The following ATP10A variants were observed in gnomAD, a reference collection of about 807,000 sequenced individuals.
The protein encoded by ATP10A is ATPase phospholipid transporting 10A (putative), also known as phospholipid-transporting ATPase VA.
Under a neutral mutation model 147.8 loss-of-function variants are expected in ATP10A, and 111 were observed. The ratio of observed to expected loss-of-function variants is 0.75; its 90% CI spans 0.64 to 0.88. The LOEUF is 0.88. Among genes scored for constraint, ATP10A ranks in the 40% least tolerant of loss-of-function variants. ATP10A has a pLI of 0.00. For missense variants in ATP10A, 1,927 were observed against 1,959.0 expected, an observed-to-expected ratio of 0.98 and a Z score of 0.31; for synonymous variants, 875 against 841.6, an observed-to-expected ratio of 1.04 and a Z score of -0.69.
chr15:25,714,839 A>G (rs1901684623), intron 9 of ATP10A, among the ~76,000 whole-genome samples: 1 of 152,196 alleles, frequency 6.6e-6, no homozygotes, highest in South Asian at 2.1e-4. Context: ...AATTTAATAT[A>G]CAAATCACAT....
In ATP10A at chr15:25,713,765, C is replaced by T; in HGVS notation, c.2253G>A (p.Val751=). 1 of 1,614,154 alleles carries T rather than the reference C, an allele frequency of 6.2e-7. No individual in the cohort carries two copies. Among genetic ancestry groups the T allele is most frequent in the Non-Finnish European group, 8.5e-7 (1 of 1,180,036 alleles). The change falls in exon 10 of 21, where the codon GTG becomes GTA. Residue 751 remains valine, a synonymous_variant. Coordinates refer to ENST00000555815, the MANE Select transcript of ATP10A (RefSeq NM_024490.4). ...GFDSVRKRMS[V]VIRHPLTDEI... ...CATCGGTAAGCGGGTGCCGGATCAC[C>T]ACTGACATCCTCTTGCGGACGGAAT...
chr15:25,773,265 C>T (rs1366634253), intron 2 of ATP10A, among the ~76,000 whole-genome samples: 1 of 152,148 alleles, frequency 6.6e-6, no homozygotes, highest in Non-Finnish European at 1.5e-5. Flanking sequence ...GGAGCACTCG[C>T]AAACCGAAAG....
Position 25,700,531 on chromosome 15 carries a change from A to T in ATP10A, c.2760+1385T>A, listed in dbSNP as rs551163770. On this transcript the variant is annotated intron_variant, in intron 13 of 20. Coordinates refer to ENST00000555815, the MANE Select transcript of ATP10A (RefSeq NM_024490.4). ...ATACTACTGGTTCATGCAACAGCTCAGGTGAATCTCAAAAGTGTTATGCTG... is the reference window on the plus strand; with the variant it reads ...ATACTACTGGTTCATGCAACAGCTCTGGTGAATCTCAAAAGTGTTATGCTG... Among the ~76,000 whole-genome samples, 13 of 152,356 alleles carry T rather than the reference A, an allele frequency of 8.5e-5. 2 individuals are homozygous for T. The South Asian group carries it at 2.7e-3, about 32-fold the overall frequency.
intron 2 of ATP10A, among the ~76,000 whole-genome samples, chr15:25,739,751 C>T (rs562056477): frequency 7.2e-5 from 11 of 152,346 alleles, no homozygotes; most frequent in African/African-American, 2.6e-4. Context: ...ATAAATATCT[C>T]ACCGGCAAGA....
chr15:25,810,422 T>C (rs11161227), intron 1 of ATP10A, among the ~76,000 whole-genome samples: 83,911 of 152,010 alleles, frequency 0.55, 24,323 homozygotes, highest in East Asian at 0.8. Context: ...GAGGTTCTTA[T>C]GGTTCCTTTA....
intron 2 of ATP10A, among the ~76,000 whole-genome samples, chr15:25,761,970 G>C (rs890843687): frequency 2.0e-5 from 3 of 152,164 alleles, no homozygotes; most frequent in Admixed American, 1.3e-4. Context: ...GTTTGGCTGT[G>C]TCTCTACCAA....
chr15:25,753,402 G>T (rs61998601), intron 2 of ATP10A, among the ~76,000 whole-genome samples: 17,176 of 152,070 alleles, frequency 0.11, 1,169 homozygotes, highest in East Asian at 0.25. Flanking sequence ...CATCCATGTT[G>T]TTGCAAATGA....
At chr15:25,821,010 T>G (rs1567409166) in intron 1 of ATP10A, among the ~76,000 whole-genome samples, 1 of 152,104 alleles carries the variant, frequency 6.6e-6, no homozygotes, top group East Asian at 1.9e-4. Context: ...CAGATAAAAA[T>G]AAACATACAT....
intron 10 of ATP10A, 151 bp from the exon 11 acceptor site, chr15:25,708,451 T>C (rs1901185567): frequency 1.6e-6 from 1 of 633,698 alleles, no homozygotes; most frequent in Admixed American, 3.3e-5. Flanking sequence ...AGCTGTTATG[T>C]TTTAAAAAAG....
At chr15:25,826,372 C>A (rs1382100097) in intron 1 of ATP10A, among the ~76,000 whole-genome samples, 1 of 152,168 alleles carries the variant, frequency 6.6e-6, no homozygotes. Flanking sequence ...CCAACCTGAG[C>A]AACATGGCAA....
intron 1 of ATP10A, among the ~76,000 whole-genome samples, chr15:25,829,744 C>G (rs1018812723): frequency 6.6e-6 from 1 of 152,198 alleles, no homozygotes; most frequent in Middle Eastern, 3.4e-3. Flanking sequence ...CTCTAAGGCA[C>G]GGCTCGCTCT....
At chr15:25,845,978 C>A (rs767656350) in intron 1 of ATP10A, among the ~76,000 whole-genome samples, 8 of 152,202 alleles carry the variant, frequency 5.3e-5, no homozygotes, top group Non-Finnish European at 1.0e-4. Context: ...GTGTCCGCCT[C>A]AGAAAGGAGG....
chr15:25,703,867 G>A (rs1278527261), intron 12 of ATP10A, among the ~76,000 whole-genome samples: 1 of 152,234 alleles, frequency 6.6e-6, no homozygotes, highest in African/African-American at 2.4e-5. Context: ...GGTGATGTGG[G>A]AACTTGGGGA....
intron 16 of ATP10A, among the ~76,000 whole-genome samples, chr15:25,685,662 C>T (rs1342826427): frequency 6.6e-6 from 1 of 152,022 alleles, no homozygotes; most frequent in African/African-American, 2.4e-5. Flanking sequence ...GACACCCTGT[C>T]TCTACAAAAT....
intron 2 of ATP10A, among the ~76,000 whole-genome samples, chr15:25,761,153 C>T (rs2140628326): frequency 6.6e-6 from 1 of 152,202 alleles, no homozygotes; most frequent in East Asian, 1.9e-4. Flanking sequence ...AATATTTATA[C>T]TGAGAGAAAA....
chr15:25,687,057 G>A lies in ATP10A; in HGVS notation c.3291+646C>T, dbSNP rs1899732721. On this transcript the variant is annotated intron_variant, in intron 16 of 20. Coordinates refer to ENST00000555815, the MANE Select transcript of ATP10A (RefSeq NM_024490.4). ...GGGAGAGGGTGGGAAGGCCCGAAGG[G>A]CACCCCCTTCCTGCTGGGTCTGAGC... Among the ~76,000 whole-genome samples, 2 of 107,574 alleles carry A rather than the reference G, an allele frequency of 1.9e-5. 1 individual carries two copies. The allele number at this position is 107,574 out of a possible 152,430, so 70.6% of individuals were successfully genotyped here.
chr15:25,817,535 T>G (rs1350988347), intron 1 of ATP10A, among the ~76,000 whole-genome samples: 1 of 152,258 alleles, frequency 6.6e-6, no homozygotes, highest in Non-Finnish European at 1.5e-5. Context: ...TCACTTAGCA[T>G]ATTTAATCCT....
intron 12 of ATP10A, among the ~76,000 whole-genome samples, chr15:25,703,764 C>T (rs894746139): frequency 6.6e-6 from 1 of 152,234 alleles, no homozygotes; most frequent in Non-Finnish European, 1.5e-5. Flanking sequence ...ATCACCAGCA[C>T]CCCAGAAGAC....
chr15:25,771,943 G>T (rs936989620), intron 2 of ATP10A, among the ~76,000 whole-genome samples: 3 of 151,910 alleles, frequency 2.0e-5, no homozygotes, highest in African/African-American at 7.3e-5. Context: ...GTAGAGACGG[G>T]GTTTCACCAT....
Sources: allele counts gnomAD v4.1 joint callset (sites outside exome capture counted in the v4.1 genomes callset), GRCh38; gene constraint gnomAD v4.1.1; transcripts MANE v1.5; gene names NCBI Gene and HGNC (gene_info 2026-07-23, HGNC 2026-07-21).